SLC25A26: variants seen among roughly 807,000 people sequenced by gnomAD.
SLC25A26 encodes the protein solute carrier family 25 member 26.
SLC25A26 carries 36 observed loss-of-function variants against 37.8 expected under a neutral mutation model. That is an observed-to-expected ratio of 0.95 (90% CI 0.73 to 1.26). SLC25A26 has a LOEUF of 1.26. SLC25A26 is among the 50% of genes most tolerant of loss of function. The pLI, the probability that SLC25A26 is intolerant of heterozygous loss-of-function variation, is 0.00. For synonymous variants in SLC25A26, 129 were observed against 122.5 expected (o/e 1.05, Z -0.35); for missense variants, 390 against 331.1 (o/e 1.18, Z -1.38).
At chr3:66,228,476 A>G (rs1281420184) in intron 1 of SLC25A26, among the ~76,000 whole-genome samples, 1 of 152,194 alleles carries the variant, frequency 6.6e-6, no homozygotes, top group Non-Finnish European at 1.5e-5. Flanking sequence ...TTAAATTCCA[A>G]ATAAAGGAAA....
intron 5 of SLC25A26, among the ~76,000 whole-genome samples, chr3:66,295,793 C>T (rs943577310): frequency 2.0e-5 from 3 of 151,938 alleles, no homozygotes; most frequent in Non-Finnish European, 2.9e-5. Flanking sequence ...CCACCGTGCC[C>T]GGCCATGTGT....
At chr3:66,168,336 C>T (rs910540970) in intron 1 of SLC25A26, among the ~76,000 whole-genome samples, 1 of 151,884 alleles carries the variant, frequency 6.6e-6, no homozygotes, top group Admixed American at 6.6e-5. Flanking sequence ...GCTGCTGTTG[C>T]GGGTGATAGA....
chr3:66,175,191 T>C (rs921625022), intron 1 of SLC25A26, among the ~76,000 whole-genome samples: 31 of 148,204 alleles, frequency 2.1e-4, no homozygotes, highest in Admixed American at 1.7e-3. Context: ...TACATATATA[T>C]ACACACACAC....
chr3:66,288,464 C>T (rs532396894), intron 5 of SLC25A26, among the ~76,000 whole-genome samples: 1 of 152,084 alleles, frequency 6.6e-6, no homozygotes, highest in Admixed American at 6.5e-5. Context: ...CTGATGCTAT[C>T]CCTCCTGTAG....
At chr3:66,209,898 T>TATATATTTATATATATATATA (rs2071256377) in intron 1 of SLC25A26, among the ~76,000 whole-genome samples, 3 of 38,616 alleles carry the variant, frequency 7.8e-5, no homozygotes, top group Admixed American at 4.4e-4. Context: ...CTCTCTCTAT[T>TATATATTTATATATATATATA]TATATATATA....
intron 5 of SLC25A26, among the ~76,000 whole-genome samples, chr3:66,281,788 A>G (rs11128166): frequency 6.8e-6 from 1 of 146,562 alleles, no homozygotes; most frequent in Non-Finnish European, 1.5e-5. Flanking sequence ...TCTTCAGCCT[A>G]CTTCTGTGTT....
chr3:66,199,262 C>T (rs1232342564), intron 1 of SLC25A26, among the ~76,000 whole-genome samples: 1 of 151,954 alleles, frequency 6.6e-6, no homozygotes, highest in Non-Finnish European at 1.5e-5. Flanking sequence ...CTGACCATGA[C>T]CTTGACTGTG....
chr3:66,368,385 A>C (rs1449608209), intron 7 of SLC25A26, among the ~76,000 whole-genome samples: 1 of 152,214 alleles, frequency 6.6e-6, no homozygotes, highest in Non-Finnish European at 1.5e-5. Context: ...GGTTTATGTT[A>C]AAACAGAAAG....
intron 5 of SLC25A26, among the ~76,000 whole-genome samples, chr3:66,298,777 G>T (rs1193052857): frequency 6.6e-6 from 1 of 152,180 alleles, no homozygotes; most frequent in Non-Finnish European, 1.5e-5. Flanking sequence ...TAGCAAAATT[G>T]TACATGTCAA....
At chr3:66,273,345 G>A (rs1041959784) in intron 5 of SLC25A26, among the ~76,000 whole-genome samples, 1 of 152,078 alleles carries the variant, frequency 6.6e-6, no homozygotes, top group African/African-American at 2.4e-5. Flanking sequence ...TCTATTGATT[G>A]GAATAGTTTC....
chr3:66,262,333 C>T (rs891802601), intron 4 of SLC25A26, among the ~76,000 whole-genome samples, 178 bp downstream of exon 4: 2 of 152,142 alleles, frequency 1.3e-5, no homozygotes, highest in African/African-American at 4.8e-5. Flanking sequence ...TGAATATTTT[C>T]ATTTACATGT....
intron 5 of SLC25A26, among the ~76,000 whole-genome samples, chr3:66,276,158 A>G (rs937685538): frequency 2.0e-5 from 3 of 152,156 alleles, no homozygotes; most frequent in African/African-American, 7.2e-5. Flanking sequence ...TAAAATTTGA[A>G]TACTAATTAT....
intron 1 of SLC25A26, among the ~76,000 whole-genome samples, chr3:66,190,037 T>G (rs2070907000): frequency 6.6e-6 from 1 of 151,974 alleles, no homozygotes. Flanking sequence ...TGAGGCTGGG[T>G]GCAGTGGCTC....
intron 5 of SLC25A26, chr3:66,304,360 G>T (rs2075157839): frequency 2.3e-6 from 1 of 442,628 alleles, no homozygotes. Context: ...TTTTTCTTAT[G>T]TCTCATATCT....
chr3:66,284,246 G>A (rs1281347487), intron 5 of SLC25A26, among the ~76,000 whole-genome samples: 1 of 152,122 alleles, frequency 6.6e-6, no homozygotes, highest in Non-Finnish European at 1.5e-5. Flanking sequence ...TTACTTGGGA[G>A]GCTGAGGTGG....
intron 6 of SLC25A26, among the ~76,000 whole-genome samples, chr3:66,352,214 A>T (rs2076469206): frequency 6.6e-6 from 1 of 152,210 alleles, no homozygotes; most frequent in Admixed American, 6.5e-5. Flanking sequence ...TCTTAAAAAA[A>T]TAAGAAAAAG....
At chr3:66,333,073 C>T (rs957915764) in intron 5 of SLC25A26, among the ~76,000 whole-genome samples, 6 of 151,660 alleles carry the variant, frequency 4.0e-5, no homozygotes, top group African/African-American at 1.5e-4. Flanking sequence ...TTTTTTTTTC[C>T]TGAAGTACTA....
At chr3:66,326,514 G>T (rs2075841641) in intron 5 of SLC25A26, among the ~76,000 whole-genome samples, 1 of 152,212 alleles carries the variant, frequency 6.6e-6, no homozygotes, top group Non-Finnish European at 1.5e-5. Flanking sequence ...TGCAGCCAGG[G>T]CAGGGATGCC....
At chr3:66,202,201 G>A (rs1378195826) in intron 1 of SLC25A26, among the ~76,000 whole-genome samples, 2 of 152,124 alleles carry the variant, frequency 1.3e-5, no homozygotes, top group African/African-American at 4.8e-5. Context: ...ATGAATTCAT[G>A]TCCTTTGCAG....
Sources: allele counts gnomAD v4.1 joint callset (sites outside exome capture counted in the v4.1 genomes callset), GRCh38; gene constraint gnomAD v4.1.1; transcripts MANE v1.5; gene names NCBI Gene and HGNC (gene_info 2026-07-23, HGNC 2026-07-21).